Variants in XRCC4 observed in about 807,000 individuals in gnomAD.
The protein encoded by XRCC4 is DNA repair protein XRCC4.
Under a neutral mutation model 39.1 loss-of-function variants are expected in XRCC4, and 28 were observed. That is an observed-to-expected ratio of 0.72 (90% CI 0.53 to 0.98). XRCC4 has a LOEUF of 0.98. XRCC4 is among the 50% of genes least tolerant of loss of function. The pLI is 0.00. For synonymous variants in XRCC4, 123 were observed against 126.4 expected (o/e 0.97, Z 0.18); for missense variants, 350 against 376.4 (o/e 0.93, Z 0.58).
chr5:83,291,839 A>G (rs1408253628), intron 7 of XRCC4, among the ~76,000 whole-genome samples: 5 of 151,840 alleles, frequency 3.3e-5, no homozygotes, highest in Admixed American at 3.3e-4. Context: ...CTGCTCAGGC[A>G]GGGTAAATGT....
chr5:83,165,033 T>C (rs978367108), intron 3 of XRCC4, among the ~76,000 whole-genome samples: 3 of 152,046 alleles, frequency 2.0e-5, no homozygotes, highest in Non-Finnish European at 2.9e-5. Context: ...GAAACAATTA[T>C]CTGTTTAGGT....
chr5:83,245,393 A>G (rs535566602), intron 6 of XRCC4, among the ~76,000 whole-genome samples: 2 of 152,260 alleles, frequency 1.3e-5, no homozygotes, highest in East Asian at 1.9e-4. Context: ...CTTTGGACCT[A>G]TCATGTTTAA....
chr5:83,166,668 G>A (rs112412893), intron 3 of XRCC4, among the ~76,000 whole-genome samples: 5 of 150,486 alleles, frequency 3.3e-5, no homozygotes, highest in Non-Finnish European at 5.9e-5. Flanking sequence ...GTAGAGATAG[G>A]GTTTCACCAT....
chr5:83,257,550 T>C (rs159858), intron 6 of XRCC4, among the ~76,000 whole-genome samples: 11,172 of 151,704 alleles, frequency 0.074, 562 homozygotes, highest in Non-Finnish European at 0.097. Flanking sequence ...GATGCTGGAG[T>C]GGATGTGGAG....
intron 7 of XRCC4, among the ~76,000 whole-genome samples, chr5:83,342,050 T>C (rs1296949083): frequency 6.6e-6 from 1 of 152,224 alleles, no homozygotes; most frequent in Non-Finnish European, 1.5e-5. Flanking sequence ...TTTTCCACTT[T>C]CATAGGCATA....
chr5:83,314,187 T>TAAA (rs1358686922), intron 7 of XRCC4, among the ~76,000 whole-genome samples: 1 of 152,058 alleles, frequency 6.6e-6, no homozygotes, highest in African/African-American at 2.4e-5. Flanking sequence ...GGCACTAATT[T>TAAA]AAAAAAATTG....
At chr5:83,315,029 T>C (rs1755831907) in intron 7 of XRCC4, among the ~76,000 whole-genome samples, 1 of 152,132 alleles carries the variant, frequency 6.6e-6, no homozygotes, top group South Asian at 2.1e-4. Context: ...GGTACGTCTC[T>C]TTCACCAAAC....
the XRCC4 span, among the ~76,000 whole-genome samples, chr5:83,359,826 T>C: frequency 6.6e-6 from 1 of 152,164 alleles, no homozygotes; most frequent in Non-Finnish European, 1.5e-5. Flanking sequence ...AACTTCTCGA[T>C]ATGATAGGAA....
rs78626186 is a variant in XRCC4, at chr5:83,121,867, C to A, written c.315+10664C>A. On this transcript the variant is annotated intron_variant, in intron 3 of 7. Coordinates refer to ENST00000396027, the MANE Select transcript of XRCC4 (RefSeq NM_003401.5). ...GATACATTTTGAGTTAATTTTTGTA[C>A]ATACTTTAAGGTATGGGTTGAAGTT... is the stretch of plus-strand genomic sequence containing the variant. 5.7e-4 allele frequency among the ~76,000 whole-genome samples: 85 copies of A among 149,548 alleles called. 3 individuals carry two copies. The East Asian group carries it at 0.016, about 28-fold the overall frequency.
downstream of XRCC4, chr5:83,356,783 A>G (rs943729066): frequency 3.8e-5 from 17 of 452,944 alleles, no homozygotes; most frequent in South Asian, 2.7e-4. Flanking sequence ...TTGAGTTACA[A>G]TGCAGCATGG....
rs1401798561 is a variant in XRCC4, at chr5:83,309,278, AAAAAAAAAAAAAAAAAAAAT to A, written c.894-43851_894-43832del. ...CGAGACTCCGTCTCAAAAAAAAAAA[AAAAAAAAAAAAAAAAAAAAT>A]ATATATATATATATATATATATAGG... On this transcript the variant is annotated intron_variant, in intron 7 of 7. Coordinates refer to ENST00000396027, the MANE Select transcript of XRCC4 (RefSeq NM_003401.5). Among the ~76,000 whole-genome samples the A allele has an allele frequency of 2.6e-5, 3 of 114,292 alleles. No homozygotes were observed. In the East Asian group the frequency reaches 1.3e-3, roughly 51 times the overall value. 75.0% of individuals were successfully genotyped at this position (114,292 alleles called of 152,430 possible).
intron 3 of XRCC4, among the ~76,000 whole-genome samples, chr5:83,154,996 T>C (rs1489014179): frequency 2.6e-5 from 4 of 152,242 alleles, no homozygotes; most frequent in Admixed American, 2.6e-4. Context: ...GTGTTCTTGC[T>C]GCTGTTTTTA....
At chr5:83,280,658 C>G (rs1754505087) in intron 7 of XRCC4, 1 of 285,638 alleles carries the variant, frequency 3.5e-6, no homozygotes, top group Non-Finnish European at 6.8e-6. Flanking sequence ...GACTCCTCTC[C>G]AGCCCTTTTA....
At chr5:83,316,271 C>T (rs1755879561) in intron 7 of XRCC4, among the ~76,000 whole-genome samples, 1 of 151,992 alleles carries the variant, frequency 6.6e-6, no homozygotes, top group Non-Finnish European at 1.5e-5. Context: ...ATAAAAACCA[C>T]TCCTAGGAAG....
chr5:83,339,645 C>CT, intron 7 of XRCC4, among the ~76,000 whole-genome samples: 1 of 152,104 alleles, frequency 6.6e-6, no homozygotes, highest in African/African-American at 2.4e-5. Flanking sequence ...AAAATTCAAG[C>CT]TGTAGAATTA....
At chr5:83,186,749 C>A (rs1750456304) in intron 3 of XRCC4, among the ~76,000 whole-genome samples, 1 of 152,168 alleles carries the variant, frequency 6.6e-6, no homozygotes. Flanking sequence ...CTCAAAACAA[C>A]ATAAATTTAC....
intron 7 of XRCC4, among the ~76,000 whole-genome samples, chr5:83,298,157 C>T (rs1158727935): frequency 4.0e-5 from 6 of 151,588 alleles, no homozygotes; most frequent in Non-Finnish European, 8.9e-5. Flanking sequence ...GTATAAATTA[C>T]ACACTGTATG....
At chr5:83,198,639 T>C (rs1751049639) in intron 4 of XRCC4, among the ~76,000 whole-genome samples, 1 of 152,138 alleles carries the variant, frequency 6.6e-6, no homozygotes, top group African/African-American at 2.4e-5. Context: ...TGTATCACCA[T>C]TATAATCAAA....
intron 3 of XRCC4, among the ~76,000 whole-genome samples, chr5:83,138,487 T>G (rs1748007153): frequency 6.6e-6 from 1 of 152,072 alleles, no homozygotes. Context: ...CTGTATTGAA[T>G]TTTCTGGTAG....
Sources: gnomAD v4.1 joint callset for allele counts (sites outside exome capture counted in the v4.1 genomes callset) on GRCh38, gnomAD v4.1.1 for gene constraint, MANE v1.5 for transcripts, NCBI Gene and HGNC (gene_info 2026-07-23, HGNC 2026-07-21) for gene names.